Variants in CREB3L1 observed in about 807,000 individuals in gnomAD.
The protein encoded by CREB3L1 is cAMP responsive element binding protein 3 like 1, also known as cyclic AMP-responsive element-binding protein 3-like protein 1.
CREB3L1 carries 33 observed loss-of-function variants against 54.5 expected under a neutral mutation model. That is an observed-to-expected ratio of 0.61 (90% confidence interval 0.46 to 0.81). The LOEUF (loss-of-function observed/expected upper bound fraction) is 0.81. Among genes scored for constraint, CREB3L1 ranks in the 30% least tolerant of loss-of-function variants. CREB3L1 has a pLI of 0.00. For missense variants in CREB3L1, 656 were observed against 673.3 expected, an observed-to-expected ratio of 0.97 and a Z score of 0.29; for synonymous variants, 284 against 286.4, an observed-to-expected ratio of 0.99 and a Z score of 0.08.
intron 1 of CREB3L1, among the ~76,000 whole-genome samples, chr11:46,289,737 G>T (rs1939105316): frequency 6.6e-6 from 1 of 152,190 alleles, no homozygotes; most frequent in Admixed American, 6.5e-5. Context: ...CAACTAGCCT[G>T]GAGAGGAGAG....
intron 1 of CREB3L1, among the ~76,000 whole-genome samples, chr11:46,293,797 G>A (rs985642337): frequency 6.6e-6 from 1 of 152,178 alleles, no homozygotes; most frequent in African/African-American, 2.4e-5. Context: ...ATGTGAGATG[G>A]TGTGTGTGTG....
chr11:46,320,224 G>A (rs1939627400), intron 10 of CREB3L1, 40 bp from the exon 11 acceptor site: 10 of 1,535,046 alleles, frequency 6.5e-6, no homozygotes, highest in Non-Finnish European at 8.8e-6. Context: ...GATGTTGAGG[G>A]AATCTTGGGC....
intron 1 of CREB3L1, among the ~76,000 whole-genome samples, chr11:46,282,167 A>G (rs931907592): frequency 6.6e-6 from 1 of 152,136 alleles, no homozygotes; most frequent in African/African-American, 2.4e-5. Flanking sequence ...ATGGATGAAG[A>G]AAAAGGGGCC....
At chr11:46,294,850 G>C (rs1939181150) in intron 1 of CREB3L1, among the ~76,000 whole-genome samples, 1 of 151,952 alleles carries the variant, frequency 6.6e-6, no homozygotes, top group South Asian at 2.1e-4. Flanking sequence ...TGTGTGTTGG[G>C]GTGTGGGGGG....
intron 1 of CREB3L1, among the ~76,000 whole-genome samples, chr11:46,297,160 G>T (rs1057439299): frequency 1.3e-5 from 2 of 152,222 alleles, no homozygotes; most frequent in Non-Finnish European, 2.9e-5. Flanking sequence ...TGGCGGAAGC[G>T]CCCCCAGCCG....
chr11:46,296,835 A>G (rs1323681319), intron 1 of CREB3L1, among the ~76,000 whole-genome samples: 3 of 152,180 alleles, frequency 2.0e-5, no homozygotes, highest in Non-Finnish European at 4.4e-5. Context: ...TGCTGTTTCT[A>G]GCAGGTGGGG....
intron 1 of CREB3L1, among the ~76,000 whole-genome samples, chr11:46,291,580 C>T (rs548731863): frequency 6.6e-6 from 1 of 152,332 alleles, no homozygotes; most frequent in South Asian, 2.1e-4. Context: ...TGCCAAAATT[C>T]CTTTCAGTTC....
intron 1 of CREB3L1, among the ~76,000 whole-genome samples, chr11:46,279,557 C>T (rs1462694484): frequency 6.6e-6 from 1 of 152,146 alleles, no homozygotes; most frequent in East Asian, 1.9e-4. Flanking sequence ...CTCTGCTTCC[C>T]CTGTGAGCTT....
In CREB3L1 at chr11:46,299,972, T is replaced by A; in HGVS notation, c.140T>A (p.Met47Lys). The part of the protein sequence containing the change: ...PEHLDHFTEN[M>K]EDFSNDLFSS... ...CACCTGGACCACTTTACGGAGAACA[T>A]GGAGGACTTCTCCAATGACCTGTTC... Residue 47 changes from methionine (M) to lysine (K), a missense_variant, in exon 2 of 12, where the codon ATG (methionine) becomes AAG (lysine). By Grantham distance (95) the Met-to-Lys change is moderately conservative. This residue lies in a region of CREB3L1 where 339 missense variants were observed against 331.5 expected (regional missense o/e 1.02). Coordinates refer to ENST00000621158, the MANE Select transcript of CREB3L1 (RefSeq NM_052854.4). 1 of 1,613,958 alleles carries A rather than the reference T, an allele frequency of 6.2e-7. No homozygotes were observed. Among genetic ancestry groups the A allele is most frequent in the Non-Finnish European group, 8.5e-7 (1 of 1,179,868 alleles).
At chr11:46,292,431 G>A (rs1284058135) in intron 1 of CREB3L1, among the ~76,000 whole-genome samples, 1 of 152,192 alleles carries the variant, frequency 6.6e-6, no homozygotes, top group Admixed American at 6.5e-5. Context: ...TGTGTGCGGG[G>A]ACCAATGCTA....
intron 2 of CREB3L1, among the ~76,000 whole-genome samples, chr11:46,302,831 A>C (rs565200629): frequency 2.0e-4 from 31 of 152,256 alleles, no homozygotes; most frequent in African/African-American, 7.2e-4. Flanking sequence ...AAATACAAAA[A>C]TTCACCAGGC....
rs761239362 is a variant in CREB3L1 at position 46,307,985 on chromosome 11, G to A, written c.501G>A (p.Leu167=). The change falls in exon 3 of 12, where the codon CTG becomes CTA. Residue 167 remains leucine, a synonymous_variant. Coordinates refer to ENST00000621158, the MANE Select transcript of CREB3L1 (RefSeq NM_052854.4). ...PLLGLSPLSR[L]PIPHQAPGEM... ...TGGGCCTCAGCCCCTTGTCCAGGCT[G>A]CCCATCCCCCACCAGGTGAGCCTGG... is the stretch of plus-strand genomic sequence containing the variant. 6.5e-7 allele frequency: 1 copy of A among 1,549,378 alleles called. No homozygotes were observed. Among genetic ancestry groups the A allele is most frequent in the South Asian group, 1.2e-5 (1 of 83,724 alleles).
Position 46,300,134 on chromosome 11 carries a change from T to C in CREB3L1, c.302T>C (p.Val101Ala). 1 of 1,613,300 alleles carries C rather than the reference T, an allele frequency of 6.2e-7. No homozygotes were observed. Among genetic ancestry groups the C allele is most frequent in the Non-Finnish European group, 8.5e-7 (1 of 1,179,598 alleles). The change falls in exon 2 of 12, where the codon GTG becomes GCG. Residue 101 changes from valine (V) to alanine (A), a missense_variant. This residue lies in a region of CREB3L1 where 339 missense variants were observed against 331.5 expected (regional missense o/e 1.02). Transcript: ENST00000621158. ...SGDSAPQSPL[V>A]PIKMEDTTQD... ...GACTCAGCGCCCCAGAGCCCCCTTG[T>C]GCCCATCAAGATGGAGGACACCACC...
intron 8 of CREB3L1, among the ~76,000 whole-genome samples, chr11:46,313,459 G>T (rs751225438): frequency 6.6e-6 from 1 of 152,106 alleles, no homozygotes; most frequent in Non-Finnish European, 1.5e-5. Flanking sequence ...GGATGAGGGG[G>T]GTGGATCATT....
chr11:46,301,156 C>T (rs1207497201), intron 2 of CREB3L1, among the ~76,000 whole-genome samples: 2 of 147,422 alleles, frequency 1.4e-5, no homozygotes, highest in African/African-American at 2.5e-5. Context: ...GTGACAAGAG[C>T]GAAACTCCGT....
chr11:46,300,445 A>C (rs1939279809), intron 2 of CREB3L1, among the ~76,000 whole-genome samples: 1 of 152,244 alleles, frequency 6.6e-6, no homozygotes, highest in Non-Finnish European at 1.5e-5. Context: ...TTAGACATGC[A>C]GATTCTCGGG....
intron 1 of CREB3L1, among the ~76,000 whole-genome samples, chr11:46,289,501 A>G (rs1939102816): frequency 6.6e-6 from 1 of 152,266 alleles, no homozygotes; most frequent in Non-Finnish European, 1.5e-5. Context: ...ATGACCTAAC[A>G]GTCTGTAAGT....
intron 1 of CREB3L1, among the ~76,000 whole-genome samples, chr11:46,283,772 G>C (rs545028194): frequency 5.7e-4 from 86 of 152,054 alleles, no homozygotes; most frequent in African/African-American, 2.0e-3. Flanking sequence ...AGTCCTGGCT[G>C]CTTAGGAGAC....
At chr11:46,305,021 G>A (rs1034236556) in intron 2 of CREB3L1, among the ~76,000 whole-genome samples, 5 of 152,082 alleles carry the variant, frequency 3.3e-5, no homozygotes, top group African/African-American at 1.2e-4. Flanking sequence ...AACAGGGTGC[G>A]GCCTGGCCTC....
Sources: allele counts gnomAD v4.1 joint callset (sites outside exome capture counted in the v4.1 genomes callset), GRCh38; gene constraint gnomAD v4.1.1; regional missense constraint gnomAD v4.1.1; transcripts MANE v1.5; gene names NCBI Gene and HGNC (gene_info 2026-07-23, HGNC 2026-07-21).